Variants in CALN1 observed in about 807,000 individuals in gnomAD.
CALN1 encodes calcium-binding protein 8.
CALN1 carries 17 observed loss-of-function variants against 30.6 expected under a neutral mutation model. That is an observed-to-expected ratio of 0.56 (90% CI 0.38 to 0.83). The LOEUF (loss-of-function observed/expected upper bound fraction) is 0.83. Among genes scored for constraint, CALN1 ranks in the 40% least tolerant of loss-of-function variants. The pLI is 0.00. For missense variants in CALN1, 291 were observed against 354.9 expected (o/e 0.82, Z 1.45); for synonymous variants, 156 against 131.4 (o/e 1.19, Z -1.28).
At chr7:72,324,481 C>CA (rs1801122490) in intron 2 of CALN1, among the ~76,000 whole-genome samples, 1 of 152,118 alleles carries the variant, frequency 6.6e-6, no homozygotes, top group Non-Finnish European at 1.5e-5. Flanking sequence ...CAATAACCTC[C>CA]AAAATCTTTC....
chr7:72,338,582 C>A (rs1802235009), intron 2 of CALN1, among the ~76,000 whole-genome samples: 1 of 147,782 alleles, frequency 6.8e-6, no homozygotes, highest in Non-Finnish European at 1.5e-5. Context: ...GGTGCCACGC[C>A]TTTAGCATTT....
At chr7:72,178,731 C>T (rs1230532869) in intron 3 of CALN1, among the ~76,000 whole-genome samples, 3 of 151,896 alleles carry the variant, frequency 2.0e-5, no homozygotes, top group African/African-American at 7.3e-5. Flanking sequence ...TGACAAACTC[C>T]CGCTTTATTT....
intron 5 of CALN1, among the ~76,000 whole-genome samples, chr7:72,020,331 T>C (rs1187342175): frequency 6.6e-6 from 1 of 152,184 alleles, no homozygotes; most frequent in Admixed American, 6.5e-5. Context: ...GAAACACACA[T>C]GTATATATAT....
At chr7:72,041,060 T>C (rs1563001983) in intron 4 of CALN1, among the ~76,000 whole-genome samples, 2 of 152,160 alleles carry the variant, frequency 1.3e-5, no homozygotes, top group Non-Finnish European at 2.9e-5. Flanking sequence ...TGGCATCTAC[T>C]GTATTATTCT....
At chr7:71,845,992 G>A (rs1253028589) in intron 5 of CALN1, among the ~76,000 whole-genome samples, 2 of 152,154 alleles carry the variant, frequency 1.3e-5, no homozygotes, top group Non-Finnish European at 2.9e-5. Flanking sequence ...GGCGGAGGTT[G>A]CCGTGAGCTG....
chr7:72,182,033 T>C (rs974537845), intron 3 of CALN1, among the ~76,000 whole-genome samples: 14 of 152,162 alleles, frequency 9.2e-5, no homozygotes, highest in South Asian at 6.2e-4. Flanking sequence ...CAGGGTTAGG[T>C]GAGAAGTTAG....
intron 5 of CALN1, among the ~76,000 whole-genome samples, chr7:71,861,208 G>A (rs1201413540): frequency 6.6e-6 from 1 of 151,850 alleles, no homozygotes; most frequent in African/African-American, 2.4e-5. Context: ...TGTGTGTTAC[G>A]CTTATGCAAG....
At chr7:72,231,117 C>CT (rs111621633) in intron 3 of CALN1, among the ~76,000 whole-genome samples, 48 of 147,456 alleles carry the variant, frequency 3.3e-4, no homozygotes, top group South Asian at 6.5e-4. Flanking sequence ...GCAGTACACG[C>CT]TTTTTTTTTT....
chr7:72,499,774 T>TTCCTTCC, the CALN1 span, among the ~76,000 whole-genome samples: 125 of 118,726 alleles, frequency 1.1e-3, 5 homozygotes, highest in South Asian at 4.5e-3. Flanking sequence ...ACTTTCTTTC[T>TTCCTTCC]TTCCTTCCTT....
chr7:72,053,351 C>T (rs1354296674), intron 4 of CALN1, among the ~76,000 whole-genome samples: 1 of 152,184 alleles, frequency 6.6e-6, no homozygotes, highest in Non-Finnish European at 1.5e-5. Flanking sequence ...TCTGAAATTA[C>T]CGGCTGGTAG....
intron 3 of CALN1, among the ~76,000 whole-genome samples, chr7:72,223,446 T>C (rs1793447609): frequency 6.6e-6 from 1 of 152,148 alleles, no homozygotes; most frequent in Admixed American, 6.6e-5. Context: ...TTGATGGATA[T>C]GGCTTACAGG....
intron 3 of CALN1, among the ~76,000 whole-genome samples, chr7:72,249,257 G>A (rs1429890318): frequency 6.6e-6 from 1 of 152,160 alleles, no homozygotes; most frequent in Non-Finnish European, 1.5e-5. Context: ...CCAGTCGTGA[G>A]CAACAGAGGT....
intron 5 of CALN1, among the ~76,000 whole-genome samples, chr7:71,986,213 A>C (rs966696241): frequency 6.6e-6 from 1 of 151,774 alleles, no homozygotes; most frequent in Non-Finnish European, 1.5e-5. Flanking sequence ...ACACCCAACT[A>C]ATTTTTGTAT....
chr7:71,785,174 T>G lies in CALN1; in HGVS notation c.*2601A>C, dbSNP rs1428403206. The G allele has an allele frequency of 3.4e-6, 1 of 292,990 alleles. No homozygotes were observed. 18.1% of individuals were successfully genotyped at this position (292,990 alleles called of 1,614,324 possible). ...AGAAAGAATTCTGTGTCTTCCTTCT[T>G]GCCATCTCTCTCTAGCAGTCTGCAG... On this transcript the variant is annotated 3_prime_UTR_variant, in exon 7 of 7. Coordinates refer to ENST00000395275, the MANE Select transcript of CALN1 (RefSeq NM_031468.4).
intron 5 of CALN1, among the ~76,000 whole-genome samples, chr7:71,976,927 C>T (rs777821621): frequency 7.2e-5 from 11 of 152,232 alleles, no homozygotes; most frequent in East Asian, 1.9e-4. Context: ...GAGATAACTG[C>T]GCATGCCCAA....
At chr7:72,493,256 C>A in the CALN1 span, among the ~76,000 whole-genome samples, 1 of 152,050 alleles carries the variant, frequency 6.6e-6, no homozygotes, top group African/African-American at 2.4e-5. Flanking sequence ...TGGTATCATA[C>A]AATATGTAGT....
At chr7:72,205,619 ATATCT>A (rs758675636) in intron 3 of CALN1, among the ~76,000 whole-genome samples, 73 of 136,194 alleles carry the variant, frequency 5.4e-4, no homozygotes, top group African/African-American at 6.0e-4. Context: ...TATATTGGAA[ATATCT>A]TATCTCAATT....
intron 5 of CALN1, among the ~76,000 whole-genome samples, chr7:71,920,242 T>C (rs977103774): frequency 7.2e-5 from 11 of 152,146 alleles, no homozygotes; most frequent in Non-Finnish European, 1.6e-4. Context: ...AAATAGTTTA[T>C]GAAGGCACAG....
intron 5 of CALN1, among the ~76,000 whole-genome samples, chr7:71,992,734 T>G (rs1447244105): frequency 6.6e-6 from 1 of 152,184 alleles, no homozygotes; most frequent in African/African-American, 2.4e-5. Context: ...TATTCTTACC[T>G]TTGGGCTGCA....
Sources: allele counts gnomAD v4.1 joint callset (sites outside exome capture counted in the v4.1 genomes callset), GRCh38; gene constraint gnomAD v4.1.1; transcripts MANE v1.5; gene names NCBI Gene and HGNC (gene_info 2026-07-23, HGNC 2026-07-21).